Variants in RGS7 observed in about 807,000 individuals in gnomAD.
RGS7 encodes regulator of G-protein signaling 7.
A neutral mutation model predicts 81.1 loss-of-function variants in RGS7; 27 were observed. The ratio of observed to expected loss-of-function variants is 0.33; its 90% CI spans 0.25 to 0.46. The LOEUF is 0.46. RGS7 is among the 20% of genes least tolerant of loss of function. The probability of loss-of-function intolerance (pLI) is 1.00; values close to 1 mark genes in which losing one functional copy is unlikely to be tolerated. For missense variants in RGS7, 396 were observed against 607.4 expected (o/e 0.65, Z 3.66); for synonymous variants, 208 against 207.7 (o/e 1.00, Z -0.01).
chr1:241,230,410 C>T (rs368680012), intron 2 of RGS7, among the ~76,000 whole-genome samples: 6 of 152,172 alleles, frequency 3.9e-5, no homozygotes, highest in South Asian at 4.2e-4. Context: ...GAGAGGGTTT[C>T]GCCATGTTAG....
chr1:241,089,055 C>CTA (rs1558700369), intron 3 of RGS7, among the ~76,000 whole-genome samples: 11 of 51,718 alleles, frequency 2.1e-4, no homozygotes, highest in Non-Finnish European at 3.7e-4. Context: ...CTCTCTCTCT[C>CTA]TCTCTCTCTA....
At chr1:240,954,729 G>A (rs952046306) in intron 4 of RGS7, among the ~76,000 whole-genome samples, 1 of 152,020 alleles carries the variant, frequency 6.6e-6, no homozygotes, top group African/African-American at 2.4e-5. Flanking sequence ...TTTCAACATT[G>A]TATTGGAAAC....
At position 241,050,175 on chromosome 1, in the gene RGS7, A is replaced by G. The variant is rs183504264; in HGVS notation, c.175+48491T>C. Among the ~76,000 whole-genome samples, 8 of 152,280 alleles carry G rather than the reference A, an allele frequency of 5.3e-5. No individual in the cohort carries two copies. The East Asian group carries it at 1.5e-3, about 29-fold the overall frequency. On this transcript the variant is annotated intron_variant, in intron 3 of 18. Coordinates refer to ENST00000440928, the MANE Select transcript of RGS7 (RefSeq NM_001364886.1). The stretch of plus-strand genomic sequence containing the variant: ...CGTGATCCCATTATCAAGAATCTCC[A>G]GGTCCCTTCCCCAGGTTTTTTATCC...
At chr1:241,191,331 T>G (rs559284289) in intron 2 of RGS7, among the ~76,000 whole-genome samples, 16 of 152,212 alleles carry the variant, frequency 1.1e-4, no homozygotes, top group African/African-American at 3.6e-4. Context: ...AGTATTTAAT[T>G]TTTTTAAATG....
intron 2 of RGS7, among the ~76,000 whole-genome samples, chr1:241,160,272 C>T (rs1278569016): frequency 6.6e-6 from 1 of 152,180 alleles, no homozygotes; most frequent in Non-Finnish European, 1.5e-5. Context: ...CATGGATCAA[C>T]AAAATGCCTT....
intron 3 of RGS7, among the ~76,000 whole-genome samples, chr1:241,085,713 C>T (rs1421917867): frequency 2.6e-5 from 4 of 152,160 alleles, no homozygotes; most frequent in Non-Finnish European, 4.4e-5. Flanking sequence ...GGATTACAGG[C>T]GTGAGCCACC....
At chr1:241,000,814 ATTTT>A (rs10691671) in intron 3 of RGS7, among the ~76,000 whole-genome samples, 23,319 of 130,268 alleles carry the variant, frequency 0.18, 2,174 homozygotes, top group Middle Eastern at 0.33. Flanking sequence ...CACCCAGCTA[ATTTT>A]TTTTTTTTTT....
chr1:240,794,208 T>C (rs1373252624), intron 18 of RGS7, among the ~76,000 whole-genome samples: 3 of 152,088 alleles, frequency 2.0e-5, no homozygotes, highest in African/African-American at 7.2e-5. Context: ...CATTAATATA[T>C]ATATAATCTA....
chr1:241,030,785 A>C (rs2060048336), intron 3 of RGS7, among the ~76,000 whole-genome samples: 2 of 152,034 alleles, frequency 1.3e-5, no homozygotes, highest in African/African-American at 4.8e-5. Context: ...GTAATCATTT[A>C]AAAATACTCC....
At position 240,818,140 on chromosome 1, in the gene RGS7, C is replaced by T. The variant is rs1691153293; in HGVS notation, c.685-1725G>A. ...CCATCCATTTCAACACAAGGATTTGCTCATATGCTTTGAATTTACTCTGAA... is the reference window on the plus strand; with the variant it reads ...CCATCCATTTCAACACAAGGATTTGTTCATATGCTTTGAATTTACTCTGAA... On this transcript the variant is annotated intron_variant, in intron 10 of 18. Coordinates refer to ENST00000440928, the MANE Select transcript of RGS7 (RefSeq NM_001364886.1). Among the ~76,000 whole-genome samples, 3 of 152,038 alleles carry T rather than the reference C, an allele frequency of 2.0e-5. No individual in the cohort carries two copies. The South Asian group carries it at 6.2e-4, about 32-fold the overall frequency.
chr1:241,118,611 A>G (rs1051694553), intron 2 of RGS7, among the ~76,000 whole-genome samples: 5 of 152,194 alleles, frequency 3.3e-5, no homozygotes, highest in African/African-American at 1.2e-4. Context: ...TCACAGCACT[A>G]TTTACAATAG....
intron 2 of RGS7, chr1:241,305,778 C>G (rs778704468): frequency 7.9e-6 from 2 of 253,562 alleles, no homozygotes; most frequent in African/African-American, 4.6e-5. Flanking sequence ...ATGTCTTGCG[C>G]GATTTTGGTG....
intron 2 of RGS7, among the ~76,000 whole-genome samples, chr1:241,351,638 GA>G (rs1389833425): frequency 6.6e-6 from 1 of 151,960 alleles, no homozygotes; most frequent in Non-Finnish European, 1.5e-5. Flanking sequence ...AGTCAGGTTT[GA>G]AAAGAAAAAA....
chr1:241,074,737 A>G (rs2062690974), intron 3 of RGS7, among the ~76,000 whole-genome samples: 1 of 152,178 alleles, frequency 6.6e-6, no homozygotes, highest in Admixed American at 6.5e-5. Flanking sequence ...TGCTCAAACC[A>G]TATGAACCGA....
chr1:240,858,400 T>A (rs1661545831), intron 9 of RGS7, among the ~76,000 whole-genome samples: 1 of 152,194 alleles, frequency 6.6e-6, no homozygotes, highest in Non-Finnish European at 1.5e-5. Context: ...TCACCAGCAT[T>A]GGATGTTGCT....
chr1:241,098,359 C>T (rs766792464), intron 3 of RGS7, among the ~76,000 whole-genome samples: 6 of 152,212 alleles, frequency 3.9e-5, no homozygotes, highest in Non-Finnish European at 8.8e-5. Context: ...TTTTCACCCT[C>T]CTAATTTCCA....
intron 9 of RGS7, among the ~76,000 whole-genome samples, chr1:240,862,473 G>A (rs377191257): frequency 9.2e-5 from 14 of 152,046 alleles, no homozygotes; most frequent in South Asian, 4.2e-4. Flanking sequence ...GTGTCAAATC[G>A]GATCAAATAA....
chr1:241,097,570 A>G (rs2064359765), intron 3 of RGS7, among the ~76,000 whole-genome samples: 1 of 152,092 alleles, frequency 6.6e-6, no homozygotes, highest in Non-Finnish European at 1.5e-5. Context: ...ACCCCTGTAC[A>G]GGAATCCCAT....
intron 2 of RGS7, among the ~76,000 whole-genome samples, chr1:241,245,318 T>C (rs144001263): frequency 9.7e-4 from 147 of 152,038 alleles, no homozygotes; most frequent in African/African-American, 3.2e-3. Flanking sequence ...AGAGATCTGC[T>C]TGTTTAAAAG....
Sources: allele counts gnomAD v4.1 joint callset (sites outside exome capture counted in the v4.1 genomes callset), GRCh38; gene constraint gnomAD v4.1.1; transcripts MANE v1.5; gene names NCBI Gene and HGNC (gene_info 2026-07-23, HGNC 2026-07-21).